The following DPP10 variants were observed in gnomAD, a reference collection of about 807,000 sequenced individuals.
The protein encoded by DPP10 is dipeptidyl peptidase like 10, also known as inactive dipeptidyl peptidase 10.
In DPP10, 33 loss-of-function variants were observed where a neutral mutation model predicts 120.9. The observed-to-expected ratio is 0.27, with a 90% confidence interval of 0.21 to 0.37. DPP10 has a LOEUF of 0.37. Ranked by LOEUF, DPP10 falls within the 10% of genes least tolerant of loss-of-function variation. The pLI is 1.00. For synonymous variants in DPP10, 337 were observed against 326.1 expected, an observed-to-expected ratio of 1.03 and a Z score of -0.36; for missense variants, 816 against 942.8, an observed-to-expected ratio of 0.87 and a Z score of 1.76.
intron 1 of DPP10, among the ~76,000 whole-genome samples, chr2:115,128,943 A>G (rs1015062854): frequency 4.6e-5 from 7 of 152,220 alleles, no homozygotes; most frequent in African/African-American, 1.4e-4. Context: ...GAGTAACAAT[A>G]CATTGTCCAT....
chr2:115,804,325 C>G (rs1298306700), intron 19 of DPP10, among the ~76,000 whole-genome samples: 2 of 152,074 alleles, frequency 1.3e-5, no homozygotes, highest in African/African-American at 4.8e-5. Flanking sequence ...TCTAGTTATC[C>G]TTTCATCTAA....
At chr2:114,908,582 C>T (rs541715436) in intron 1 of DPP10, among the ~76,000 whole-genome samples, 1 of 151,830 alleles carries the variant, frequency 6.6e-6, no homozygotes, top group South Asian at 2.1e-4. Context: ...TTCCTTCTTT[C>T]TTCTTTTTGT....
Position 115,499,610 on chromosome 2 carries a change from T to A in DPP10, c.366+6T>A. 1 of 1,595,596 alleles carries A rather than the reference T, an allele frequency of 6.3e-7. No individual in the cohort carries two copies. Among genetic ancestry groups the A allele is most frequent in the Non-Finnish European group, 8.6e-7 (1 of 1,164,674 alleles). The stretch of plus-strand genomic sequence containing the variant: ...TATTGGAAAACACAACTTTTGTAAG[T>A]AATGAATAATTAATTACTTTATGCA... On this transcript the variant is annotated splice_donor_region_variant and intron_variant, in intron 4 of 25. Coordinates refer to ENST00000410059, the MANE Select transcript of DPP10 (RefSeq NM_020868.6).
At chr2:114,889,464 T>A (rs1293287472) in intron 1 of DPP10, among the ~76,000 whole-genome samples, 9 of 145,280 alleles carry the variant, frequency 6.2e-5, no homozygotes, top group Admixed American at 4.9e-4. Flanking sequence ...GTAAAACTAT[T>A]ACATGAACCT....
At chr2:115,649,222 A>T (rs1340747164) in intron 5 of DPP10, among the ~76,000 whole-genome samples, 3 of 152,092 alleles carry the variant, frequency 2.0e-5, no homozygotes, top group Non-Finnish European at 2.9e-5. Flanking sequence ...CCTGGGCCAA[A>T]TGTTCTATGT....
chr2:114,994,130 G>C (rs1700929775), intron 1 of DPP10, among the ~76,000 whole-genome samples: 2 of 152,070 alleles, frequency 1.3e-5, no homozygotes, highest in Admixed American at 1.3e-4. Context: ...TTTTTCTGAT[G>C]TTAATTCACC....
At position 115,498,693 on chromosome 2, in the gene DPP10, T is replaced by G. The variant is rs556969466; in HGVS notation, c.272-817T>G. Among the ~76,000 whole-genome samples, 44 of 108,706 alleles carry G rather than the reference T, an allele frequency of 4.0e-4. No homozygotes were observed. In the Middle Eastern group the frequency reaches 0.013, roughly 33 times the overall value. The allele number at this position is 108,706 out of a possible 152,430, so 71.3% of individuals were successfully genotyped here. Reference sequence around the variant, plus strand: ...ATCTTCTCTTTTACCTAATCATATATATATATATAATTATGTATAATTATA... The same window carrying G: ...ATCTTCTCTTTTACCTAATCATATAGATATATATAATTATGTATAATTATA... On this transcript the variant is annotated intron_variant, in intron 3 of 25. Transcript: ENST00000410059.
intron 1 of DPP10, among the ~76,000 whole-genome samples, chr2:115,036,086 C>T (rs1185541028): frequency 6.6e-6 from 1 of 152,166 alleles, no homozygotes; most frequent in Non-Finnish European, 1.5e-5. Flanking sequence ...TTCTGCATGG[C>T]TGGGAGGCCT....
chr2:115,813,369 G>A (rs111624066), intron 19 of DPP10, among the ~76,000 whole-genome samples: 4 of 152,104 alleles, frequency 2.6e-5, no homozygotes, highest in Admixed American at 6.6e-5. Flanking sequence ...CCCTCTTTGC[G>A]CCTCTTCATA....
At chr2:114,504,974 C>T (rs1167127070) in intron 1 of DPP10, among the ~76,000 whole-genome samples, 2 of 146,452 alleles carry the variant, frequency 1.4e-5, no homozygotes, top group Non-Finnish European at 3.0e-5. Flanking sequence ...ATCGCTTGAA[C>T]CGGGGAGGCA....
At chr2:115,057,749 C>T (rs897119534) in intron 1 of DPP10, among the ~76,000 whole-genome samples, 4 of 152,070 alleles carry the variant, frequency 2.6e-5, no homozygotes, top group East Asian at 1.9e-4. Context: ...CAATAGATAA[C>T]GGGTGTAAAT....
chr2:114,781,614 G>A (rs1253373300), intron 1 of DPP10, among the ~76,000 whole-genome samples: 2 of 152,022 alleles, frequency 1.3e-5, no homozygotes, highest in Admixed American at 1.3e-4. Flanking sequence ...GCTATGAAAA[G>A]CCCCCTGGTA....
At chr2:115,031,594 CT>C (rs1375581802) in intron 1 of DPP10, among the ~76,000 whole-genome samples, 1 of 152,092 alleles carries the variant, frequency 6.6e-6, no homozygotes, top group Non-Finnish European at 1.5e-5. Flanking sequence ...ATTTAGGGTG[CT>C]GTGAAAGAAA....
In DPP10 at chr2:115,451,742, T is replaced by A. The variant is rs1396840573; in HGVS notation, c.272-47768T>A. ...CTTTCAAATTTATGAATGTATAATT[T>A]TTATTAAACAAAAACATTATAAAAA... On this transcript the variant is annotated intron_variant, in intron 3 of 25. Transcript: ENST00000410059. 2.6e-5 allele frequency among the ~76,000 whole-genome samples: 4 copies of A among 151,888 alleles called. No individual in the cohort carries two copies. In the South Asian group the frequency reaches 8.3e-4, roughly 31 times the overall value.
rs1445761864 is a variant in DPP10, at chr2:115,232,782, T to C, written c.61-76457T>C. On this transcript the variant is annotated intron_variant, in intron 1 of 25. Coordinates refer to ENST00000410059, the MANE Select transcript of DPP10 (RefSeq NM_020868.6). ...CTTAATCTTTATAAACATTAATATT[T>C]TCTGGTAATCATAATAACAGCTGCT... Among the ~76,000 whole-genome samples the C allele has an allele frequency of 2.6e-5, 4 of 152,342 alleles. No individual in the cohort carries two copies. In the East Asian group the frequency reaches 7.7e-4, roughly 29 times the overall value.
intron 1 of DPP10, among the ~76,000 whole-genome samples, chr2:115,093,942 CAT>C (rs1197568080): frequency 6.6e-6 from 1 of 151,958 alleles, no homozygotes; most frequent in East Asian, 1.9e-4. Context: ...GTCCATGAGA[CAT>C]ACAGTTTCAA....
chr2:114,902,623 T>C (rs1371310410), intron 1 of DPP10, among the ~76,000 whole-genome samples: 1 of 152,212 alleles, frequency 6.6e-6, no homozygotes, highest in African/African-American at 2.4e-5. Flanking sequence ...AAAAGCAAGC[T>C]GGTATTTTTA....
At chr2:114,909,128 A>G (rs1694182697) in intron 1 of DPP10, among the ~76,000 whole-genome samples, 1 of 152,080 alleles carries the variant, frequency 6.6e-6, no homozygotes, top group Middle Eastern at 3.4e-3. Flanking sequence ...TCAATAAACT[A>G]TATTATCGTT....
chr2:115,431,882 T>A (rs531080424), intron 3 of DPP10, among the ~76,000 whole-genome samples: 4 of 152,118 alleles, frequency 2.6e-5, no homozygotes, highest in Non-Finnish European at 4.4e-5. Flanking sequence ...GTTCTGAATC[T>A]TCATTTCTGC....
Sources: gnomAD v4.1 joint callset for allele counts (sites outside exome capture counted in the v4.1 genomes callset) on GRCh38, gnomAD v4.1.1 for gene constraint, MANE v1.5 for transcripts, NCBI Gene and HGNC (gene_info 2026-07-23, HGNC 2026-07-21) for gene names.